The following TRHDE variants were observed in gnomAD, a reference collection of about 807,000 sequenced individuals.
TRHDE encodes the protein thyrotropin-releasing hormone-degrading ectoenzyme.
A neutral mutation model predicts 125.7 loss-of-function variants in TRHDE; 72 were observed. The observed-to-expected ratio is 0.57, with a 90% confidence interval of 0.47 to 0.70. The LOEUF (loss-of-function observed/expected upper bound fraction) is 0.70. TRHDE is among the 30% of genes least tolerant of loss of function. The pLI, the probability that TRHDE is intolerant of heterozygous loss-of-function variation, is 0.00. For synonymous variants in TRHDE, 509 were observed against 509.1 expected, an observed-to-expected ratio of 1.00 and a Z score of 0.00; for missense variants, 1,110 against 1,327.1, an observed-to-expected ratio of 0.84 and a Z score of 2.54.
At chr12:72,565,850 A>G (rs1406164610) in intron 9 of TRHDE, among the ~76,000 whole-genome samples, 4 of 152,178 alleles carry the variant, frequency 2.6e-5, no homozygotes, top group Non-Finnish European at 5.9e-5. Flanking sequence ...GAACTGTTAA[A>G]GAAAAAAATA....
At chr12:72,424,489 C>G (rs1240913867) in intron 3 of TRHDE, among the ~76,000 whole-genome samples, 1 of 152,052 alleles carries the variant, frequency 6.6e-6, no homozygotes, top group Non-Finnish European at 1.5e-5. Context: ...TGCTTTTAGC[C>G]CAGTGAGACC....
chr12:72,387,235 T>C (rs917470235), intron 3 of TRHDE, among the ~76,000 whole-genome samples: 1 of 152,182 alleles, frequency 6.6e-6, no homozygotes, highest in Non-Finnish European at 1.5e-5. Flanking sequence ...TATAAAATCT[T>C]GGCCTTAGAT....
chr12:72,426,109 A>T (rs577203357), intron 3 of TRHDE, among the ~76,000 whole-genome samples: 1 of 152,100 alleles, frequency 6.6e-6, no homozygotes, highest in Non-Finnish European at 1.5e-5. Context: ...TAGTATGTAT[A>T]ACCTCTCAAT....
intron 2 of TRHDE, among the ~76,000 whole-genome samples, chr12:72,324,420 A>G (rs1869242970): frequency 6.6e-6 from 1 of 152,106 alleles, no homozygotes; most frequent in South Asian, 2.1e-4. Flanking sequence ...ATTTACAGCA[A>G]AGGAGAAATG....
intron 12 of TRHDE, among the ~76,000 whole-genome samples, chr12:72,607,076 C>T (rs1411188486): frequency 1.3e-5 from 2 of 152,030 alleles, no homozygotes; most frequent in Non-Finnish European, 2.9e-5. Context: ...AATATCTTTT[C>T]AAGTCTTTTA....
At chr12:72,370,091 C>T (rs543588845) in intron 2 of TRHDE, among the ~76,000 whole-genome samples, 1 of 152,200 alleles carries the variant, frequency 6.6e-6, no homozygotes, top group Non-Finnish European at 1.5e-5. Flanking sequence ...GTACTTTTCT[C>T]CCACTTGTTC....
chr12:72,362,595 T>C (rs1242255737), intron 2 of TRHDE, among the ~76,000 whole-genome samples: 4 of 150,538 alleles, frequency 2.7e-5, no homozygotes, highest in African/African-American at 7.3e-5. Context: ...ATTTTGGCTT[T>C]TGTTGCCATT....
intron 12 of TRHDE, among the ~76,000 whole-genome samples, chr12:72,603,724 C>CAAAACAA (rs940093045): frequency 2.0e-5 from 3 of 150,010 alleles, no homozygotes; most frequent in Non-Finnish European, 4.4e-5. Context: ...GACTCCGTCT[C>CAAAACAA]AAAACAAAAA....
At chr12:72,452,346 G>A (rs1014007170) in intron 3 of TRHDE, among the ~76,000 whole-genome samples, 1 of 151,810 alleles carries the variant, frequency 6.6e-6, no homozygotes, top group African/African-American at 2.4e-5. Context: ...TTTTTGGTGG[G>A]GTCTTCAAGG....
intron 2 of TRHDE, among the ~76,000 whole-genome samples, chr12:72,323,761 A>T (rs538607294): frequency 2.0e-5 from 3 of 152,126 alleles, no homozygotes; most frequent in Non-Finnish European, 4.4e-5. Flanking sequence ...GGTCAAAGGC[A>T]GTTGTGATGT....
intron 3 of TRHDE, among the ~76,000 whole-genome samples, chr12:72,462,412 A>C (rs1025848354): frequency 3.3e-5 from 5 of 152,122 alleles, no homozygotes; most frequent in Admixed American, 2.0e-4. Flanking sequence ...GCAGAGTGAA[A>C]CCATGGAATT....
intron 5 of TRHDE, among the ~76,000 whole-genome samples, chr12:72,479,380 A>G (rs576148352): frequency 6.6e-6 from 1 of 152,254 alleles, no homozygotes; most frequent in East Asian, 1.9e-4. Context: ...GTTTCAGGAA[A>G]TGAAAATCTG....
At chr12:72,119,714 C>T (rs1360533107) in intron 2 of TRHDE, among the ~76,000 whole-genome samples, 1 of 152,066 alleles carries the variant, frequency 6.6e-6, no homozygotes, top group East Asian at 1.9e-4. Context: ...CTGGGTGCTC[C>T]ACTGTTGGGT....
chr12:72,223,164 A>G (rs1449885825), intron 2 of TRHDE, among the ~76,000 whole-genome samples: 1 of 152,032 alleles, frequency 6.6e-6, no homozygotes, highest in Admixed American at 6.6e-5. Flanking sequence ...GTCTCCTTTT[A>G]TGGCCTTAAA....
In TRHDE at chr12:72,417,807, TA is replaced by T. The variant is rs150617810; in HGVS notation, c.1315+39687del. Among the ~76,000 whole-genome samples, 720 of 152,178 alleles carry T rather than the reference TA, an allele frequency of 4.7e-3. 29 individuals are homozygous for T. The East Asian group carries it at 0.11, about 23-fold the overall frequency. ...CCTCAATACAAATATTAATAGGTTT[TA>T]TTTTTTTAAGTTTACTGACCAGATT... On this transcript the variant is annotated intron_variant, in intron 3 of 18. Transcript: ENST00000261180.
chr12:72,533,179 T>C (rs1404805191), intron 6 of TRHDE, among the ~76,000 whole-genome samples: 1 of 152,018 alleles, frequency 6.6e-6, no homozygotes, highest in Non-Finnish European at 1.5e-5. Flanking sequence ...GAAAATTCTT[T>C]TTTTTTTTGT....
intron 3 of TRHDE, among the ~76,000 whole-genome samples, chr12:72,459,689 A>C (rs939202384): frequency 1.3e-5 from 2 of 152,032 alleles, no homozygotes; most frequent in Non-Finnish European, 2.9e-5. Flanking sequence ...GTGACATTAT[A>C]GCTCACTGCA....
At chr12:72,562,128 AC>A in intron 7 of TRHDE, 36 bp from the exon 8 acceptor site, 2 of 1,020,854 alleles carry the variant, frequency 2.0e-6, no homozygotes, top group Non-Finnish European at 3.0e-6. Context: ...TTACTGTTTA[AC>A]CTTTGAATTA....
chr12:72,112,287 C>T (rs1875333987), intron 2 of TRHDE, among the ~76,000 whole-genome samples: 2 of 152,176 alleles, frequency 1.3e-5, no homozygotes, highest in South Asian at 2.1e-4. Flanking sequence ...GATGTACTTT[C>T]TGTAGCATGC....
Sources: gnomAD v4.1 joint callset for allele counts (sites outside exome capture counted in the v4.1 genomes callset) on GRCh38, gnomAD v4.1.1 for gene constraint, MANE v1.5 for transcripts, NCBI Gene and HGNC (gene_info 2026-07-23, HGNC 2026-07-21) for gene names.